ACAA2: variants seen among roughly 807,000 people sequenced by gnomAD.
ACAA2 encodes 3-ketoacyl-CoA thiolase, mitochondrial.
Under a neutral mutation model 44.8 loss-of-function variants are expected in ACAA2, and 35 were observed. The ratio of observed to expected loss-of-function variants is 0.78; its 90% CI spans 0.60 to 1.04. The LOEUF is 1.04. Among genes scored for constraint, ACAA2 ranks in the 50% least tolerant of loss-of-function variants. ACAA2 has a pLI of 0.00. For missense variants in ACAA2, 468 were observed against 482.6 expected, an observed-to-expected ratio of 0.97 and a Z score of 0.28; for synonymous variants, 142 against 166.5, an observed-to-expected ratio of 0.85 and a Z score of 1.13.
At chr18:49,800,293 C>T (rs62100243) in intron 2 of ACAA2, among the ~76,000 whole-genome samples, 3 of 147,830 alleles carry the variant, frequency 2.0e-5, no homozygotes, top group African/African-American at 5.0e-5. Flanking sequence ...GCCCCCCGCC[C>T]GGCCAGCCGC....
intron 2 of ACAA2, among the ~76,000 whole-genome samples, chr18:49,799,409 G>C (rs1330344034): frequency 9.2e-6 from 1 of 108,528 alleles, no homozygotes; most frequent in Non-Finnish European, 2.1e-5. Context: ...TGGAGACGGG[G>C]TTTCGCTGTG....
Position 49,795,892 on chromosome 18 carries a change from A to G in ACAA2, c.313-11T>C, listed in dbSNP as rs754278476. ...TTTAACACAAATTTCCTATTTAAAA[A>G]CAAACAGTAATAAAAACTCCTTTTA... On this transcript the variant is annotated splice_polypyrimidine_tract_variant and intron_variant, in intron 3 of 9. Transcript: ENST00000285093. The G allele has an allele frequency of 3.2e-6, 5 of 1,562,882 alleles. No individual in the cohort carries two copies. The African/African-American group carries it at 4.1e-5, about 13-fold the overall frequency.
intron 1 of ACAA2, among the ~76,000 whole-genome samples, chr18:49,812,000 A>G (rs1333715595): frequency 1.3e-5 from 2 of 152,232 alleles, no homozygotes; most frequent in East Asian, 1.9e-4. Flanking sequence ...TATTAAAATG[A>G]TATCAGTAAA....
In ACAA2 at chr18:49,803,785, A is replaced by C. The variant is rs138424813; in HGVS notation, c.17-932T>G. Among the ~76,000 whole-genome samples, 409 of 152,208 alleles carry C rather than the reference A, an allele frequency of 2.7e-3. 1 individual carries two copies. Among genetic ancestry groups the C allele is most frequent in the South Asian group, 6.9e-3 (33 of 4,816 alleles). ...GTCAACCACTCACTCTATAAGAACT[A>C]CCTCTAAAAATTCCTGACAAAAGGT... On this transcript the variant is annotated intron_variant, in intron 1 of 9. Coordinates refer to ENST00000285093, the MANE Select transcript of ACAA2 (RefSeq NM_006111.3).
At chr18:49,787,206 G>A (rs1385039788) in intron 8 of ACAA2, 85 bp downstream of exon 8, 1 of 1,079,896 alleles carries the variant, frequency 9.3e-7, no homozygotes, top group East Asian at 3.2e-5. Context: ...AAAGAGCAAT[G>A]AGACCAAATT....
In ACAA2 at chr18:49,783,098, A is replaced by G. The variant is rs2023285443; in HGVS notation, c.*749T>C. On this transcript the variant is annotated 3_prime_UTR_variant, in exon 10 of 10. Coordinates refer to ENST00000285093, the MANE Select transcript of ACAA2 (RefSeq NM_006111.3). Reference sequence around the variant, plus strand: ...AAGTAAGGTTTATACACACAGCAGAATATTATTCAGCCTTTAAAAAGAAGG... The same window carrying G: ...AAGTAAGGTTTATACACACAGCAGAGTATTATTCAGCCTTTAAAAAGAAGG... 6.6e-6 allele frequency: 1 copy of G among 152,228 alleles called. No individual in the cohort carries two copies. Among genetic ancestry groups the G allele is most frequent in the Non-Finnish European group, 1.5e-5 (1 of 68,060 alleles). The allele number at this position is 152,228 out of a possible 1,614,324, so 9.4% of individuals were successfully genotyped here.
At chr18:49,796,346 A>G (rs979196954) in intron 3 of ACAA2, among the ~76,000 whole-genome samples, 4 of 152,182 alleles carry the variant, frequency 2.6e-5, no homozygotes, top group Non-Finnish European at 4.4e-5. Context: ...CATTCTTCCA[A>G]CACTTTCCAC....
intron 6 of ACAA2, 21 bp downstream of exon 6, chr18:49,792,131 A>AACT: frequency 6.3e-7 from 1 of 1,599,028 alleles, no homozygotes; most frequent in Non-Finnish European, 8.6e-7. Flanking sequence ...AATTCAAGCT[A>AACT]ATCTGTGTGG....
chr18:49,790,394 G>C (rs745353971), intron 7 of ACAA2, among the ~76,000 whole-genome samples: 1 of 152,174 alleles, frequency 6.6e-6, no homozygotes, highest in Non-Finnish European at 1.5e-5. Flanking sequence ...GGTATTGTTT[G>C]AGTAGAACCT....
At position 49,798,064 on chromosome 18, in the gene ACAA2, C is replaced by T. The variant is rs200651388; in HGVS notation, c.184-470G>A. Among the ~76,000 whole-genome samples the T allele has an allele frequency of 1.2e-4, 18 of 152,242 alleles. No homozygotes were observed. In the East Asian group the frequency reaches 2.3e-3, roughly 20 times the overall value. On this transcript the variant is annotated intron_variant, in intron 2 of 9. Coordinates refer to ENST00000285093, the MANE Select transcript of ACAA2 (RefSeq NM_006111.3). ...GTATGCTCCTTAACAGAGGAAGTATCGGAGGCTGTGGTTCTCAACCTTGGT... is the reference window on the plus strand; with the variant it reads ...GTATGCTCCTTAACAGAGGAAGTATTGGAGGCTGTGGTTCTCAACCTTGGT...
intron 1 of ACAA2, among the ~76,000 whole-genome samples, chr18:49,806,765 T>C (rs187838841): frequency 1.7e-3 from 261 of 152,136 alleles, no homozygotes; most frequent in African/African-American, 5.4e-3. Flanking sequence ...TAATAAAACA[T>C]AGGACATCTC....
At chr18:49,785,103 G>T in intron 9 of ACAA2, 94 bp downstream of exon 9, 1 of 1,440,782 alleles carries the variant, frequency 6.9e-7, no homozygotes, top group Non-Finnish European at 9.4e-7. Flanking sequence ...ACATGAAGAA[G>T]AATGAAAAAT....
In ACAA2 at chr18:49,792,165, G is replaced by A. The variant is rs1369013433; in HGVS notation, c.740C>T (p.Ala247Val). ...PVFKKDGTVT[A>V]GNASGVADGA... ...GGTGATACCAACCGATGCATTCCCT[G>A]CAGTAACAGTTCCATCTTTCTTGAA... The change falls in exon 6 of 10, where the codon GCA becomes GTA. Residue 247 changes from alanine to valine, a missense_variant. Transcript: ENST00000285093. The A allele has an allele frequency of 3.7e-6, 6 of 1,613,664 alleles. No individual in the cohort carries two copies. The highest frequency in any genetic ancestry group is 3.3e-5 in the Admixed American group (2 of 59,982).
At chr18:49,808,581 C>T (rs936497035) in intron 1 of ACAA2, among the ~76,000 whole-genome samples, 8 of 152,074 alleles carry the variant, frequency 5.3e-5, no homozygotes, top group Admixed American at 1.3e-4. Flanking sequence ...CATCACATAT[C>T]GGTAGGTCCA....
At chr18:49,812,845 A>C (rs986362933) in intron 1 of ACAA2, 1 of 152,222 alleles carries the variant, frequency 6.6e-6, no homozygotes, top group African/African-American at 2.4e-5. Flanking sequence ...CGACTCGTAC[A>C]TCCTTAAAGT....
chr18:49,812,302 G>A (rs943797701), intron 1 of ACAA2, among the ~76,000 whole-genome samples: 2 of 152,158 alleles, frequency 1.3e-5, no homozygotes, highest in African/African-American at 2.4e-5. Flanking sequence ...TGCTTCACAG[G>A]CACCAAAAAG....
chr18:49,802,767 A>C lies in ACAA2; in HGVS notation c.103T>G (p.Phe35Val). The C allele has an allele frequency of 1.2e-6, 2 of 1,614,178 alleles. No homozygotes were observed. The highest frequency in any genetic ancestry group is 1.7e-6 in the Non-Finnish European group (2 of 1,180,028). ...GCAGACAAGGCAGCCTTGGCAGCAA[A>C]TTCAGACAAGTCAGTAGCAGTGAAG... Reference protein sequence around the residue: ...KDFTATDLSEFAAKAALSAGK... With the variant: ...KDFTATDLSEVAAKAALSAGK... The change falls in exon 2 of 10, where the codon TTT (phenylalanine) becomes GTT (valine). Residue 35 changes from phenylalanine (F) to valine (V), a missense_variant. Transcript: ENST00000285093.
At chr18:49,790,744 T>C (rs1040801166) in intron 7 of ACAA2, among the ~76,000 whole-genome samples, 1 of 152,210 alleles carries the variant, frequency 6.6e-6, no homozygotes, top group African/African-American at 2.4e-5. Context: ...CTAAATCAAA[T>C]ATTTTAAGCC....
At chr18:49,784,692 C>G (rs773105880) in intron 9 of ACAA2, among the ~76,000 whole-genome samples, 37 of 150,850 alleles carry the variant, frequency 2.5e-4, no homozygotes, top group Admixed American at 1.3e-3. Context: ...CCTTCTGGTA[C>G]TATCTATCAA....
Sources: allele counts gnomAD v4.1 joint callset (sites outside exome capture counted in the v4.1 genomes callset), GRCh38; gene constraint gnomAD v4.1.1; transcripts MANE v1.5; gene names NCBI Gene and HGNC (gene_info 2026-07-23, HGNC 2026-07-21).